EYS: variants seen among roughly 807,000 people sequenced by gnomAD.
EYS encodes the protein EGF-like photoreceptor maintenance factor.
A neutral mutation model predicts 282.1 loss-of-function variants in EYS; 250 were observed. That is an observed-to-expected ratio of 0.89 (90% CI 0.80 to 0.98). The LOEUF is 0.98. EYS is among the 50% of genes least tolerant of loss of function. The probability of loss-of-function intolerance (pLI) is 0.00; values close to 1 mark genes in which losing one functional copy is unlikely to be tolerated. For synonymous variants in EYS, 1,355 were observed against 1,282.9 expected (o/e 1.06, Z -1.20); for missense variants, 4,016 against 3,709.0 (o/e 1.08, Z -2.15).
intron 31 of EYS, among the ~76,000 whole-genome samples, chr6:64,215,638 C>G (rs940106079): frequency 6.6e-6 from 1 of 151,906 alleles, no homozygotes; most frequent in African/African-American, 2.4e-5. Context: ...TGATTACTTA[C>G]CTATTTACAA....
At chr6:65,625,569 C>T (rs1766660767) in intron 2 of EYS, among the ~76,000 whole-genome samples, 1 of 152,094 alleles carries the variant, frequency 6.6e-6, no homozygotes, top group Non-Finnish European at 1.5e-5. Flanking sequence ...CAATATAATA[C>T]CGCATATTTT....
At chr6:65,537,316 T>C (rs1767996930) in intron 2 of EYS, among the ~76,000 whole-genome samples, 2 of 152,166 alleles carry the variant, frequency 1.3e-5, no homozygotes, top group Admixed American at 1.3e-4. Context: ...CTCCAAGTTC[T>C]GCACATGTAT....
At chr6:64,786,320 C>T (rs896212283) in intron 22 of EYS, among the ~76,000 whole-genome samples, 58 of 151,726 alleles carry the variant, frequency 3.8e-4, no homozygotes, top group Non-Finnish European at 7.4e-5. Flanking sequence ...AGAGACAGAA[C>T]CCCAAGTGTG....
At chr6:65,657,285 T>C (rs188856881) in intron 1 of EYS, among the ~76,000 whole-genome samples, 1 of 151,874 alleles carries the variant, frequency 6.6e-6, no homozygotes, top group African/African-American at 2.4e-5. Flanking sequence ...TTTCAAATTT[T>C]ATTGTTTAAG....
intron 13 of EYS, among the ~76,000 whole-genome samples, chr6:65,050,343 G>A (rs531222212): frequency 1.7e-4 from 26 of 151,624 alleles, no homozygotes; most frequent in Admixed American, 4.6e-4. Context: ...CATATTTACT[G>A]TTTAATTGCT....
chr6:64,879,201 T>A lies in EYS; in HGVS notation c.2992+7496A>T, dbSNP rs570949017. Among the ~76,000 whole-genome samples, 3 of 152,254 alleles carry A rather than the reference T, an allele frequency of 2.0e-5. No individual in the cohort carries two copies. In the East Asian group the frequency reaches 5.8e-4, roughly 29 times the overall value. ...CTCACCTCTATCTCCACCTATCATT[T>A]CCTATGAAGGGGAAAAGACCCACCA... On this transcript the variant is annotated intron_variant, in intron 19 of 42. Coordinates refer to ENST00000503581, the MANE Select transcript of EYS (RefSeq NM_001142800.2).
chr6:64,907,875 T>C (rs1202792384), intron 16 of EYS, among the ~76,000 whole-genome samples: 2 of 151,830 alleles, frequency 1.3e-5, no homozygotes, highest in East Asian at 1.9e-4. Flanking sequence ...TTCTCACAAG[T>C]AGTTTATTTG....
intron 7 of EYS, among the ~76,000 whole-genome samples, chr6:65,391,476 AG>A (rs2150356578): frequency 6.6e-6 from 1 of 152,280 alleles, no homozygotes; most frequent in East Asian, 1.9e-4. Context: ...GCAAAGTCTC[AG>A]GATGCAAAAT....
chr6:65,036,623 A>G (rs1257448688), intron 13 of EYS, among the ~76,000 whole-genome samples: 1 of 151,844 alleles, frequency 6.6e-6, no homozygotes, highest in Non-Finnish European at 1.5e-5. Context: ...TAAGCCAAAA[A>G]AAAAACAAAA....
At chr6:64,445,903 T>A (rs776876202) in intron 26 of EYS, among the ~76,000 whole-genome samples, 1 of 152,228 alleles carries the variant, frequency 6.6e-6, no homozygotes, top group East Asian at 1.9e-4. Context: ...TGGGCAAAAC[T>A]GGTATTCTGT....
chr6:65,105,826 C>T (rs891528288), intron 12 of EYS, among the ~76,000 whole-genome samples: 19 of 151,976 alleles, frequency 1.3e-4, no homozygotes, highest in African/African-American at 3.6e-4. Flanking sequence ...AATTTACATG[C>T]TATTGCTAGA....
At chr6:64,500,546 GC>G (rs1269426494) in intron 26 of EYS, among the ~76,000 whole-genome samples, 1 of 151,974 alleles carries the variant, frequency 6.6e-6, no homozygotes, top group African/African-American at 2.4e-5. Context: ...TGTAGGTATG[GC>G]AAAATTTTTT....
chr6:65,466,734 G>A (rs1008399725), intron 5 of EYS, among the ~76,000 whole-genome samples: 1 of 152,122 alleles, frequency 6.6e-6, no homozygotes, highest in African/African-American at 2.4e-5. Flanking sequence ...GAGAAGGGAC[G>A]TCTCTCTAAC....
chr6:64,186,427 G>A (rs1764948866), intron 31 of EYS, among the ~76,000 whole-genome samples: 1 of 152,104 alleles, frequency 6.6e-6, no homozygotes, highest in African/African-American at 2.4e-5. Context: ...AAATTTTAAT[G>A]AATTTATTAT....
At chr6:64,957,233 A>G (rs969337921) in intron 14 of EYS, among the ~76,000 whole-genome samples, 4 of 152,332 alleles carry the variant, frequency 2.6e-5, no homozygotes, top group African/African-American at 4.8e-5. Context: ...ATGGCGTACT[A>G]TTGAGCCATT....
At chr6:64,675,423 T>TTTTTC (rs1324852990) in intron 22 of EYS, among the ~76,000 whole-genome samples, 2 of 91,584 alleles carry the variant, frequency 2.2e-5, no homozygotes, top group African/African-American at 8.8e-5. Flanking sequence ...TTTCTCTTTT[T>TTTTTC]TTTTCTTTTT....
chr6:64,672,392 T>C (rs1291287316), intron 22 of EYS, among the ~76,000 whole-genome samples: 2 of 152,186 alleles, frequency 1.3e-5, no homozygotes, highest in African/African-American at 4.8e-5. Flanking sequence ...TATATCTTGA[T>C]GACTTTGAAA....
intron 26 of EYS, among the ~76,000 whole-genome samples, chr6:64,518,121 T>C (rs1777618878): frequency 6.6e-6 from 1 of 151,902 alleles, no homozygotes; most frequent in African/African-American, 2.4e-5. Flanking sequence ...GTTTAACAGC[T>C]TAAAAACATT....
chr6:65,695,028 A>T (rs897207197), intron 1 of EYS, among the ~76,000 whole-genome samples: 3 of 152,096 alleles, frequency 2.0e-5, no homozygotes, highest in Non-Finnish European at 4.4e-5. Context: ...GGAAGAGTTG[A>T]AAGAGAGCAA....
Sources: allele counts gnomAD v4.1 joint callset (sites outside exome capture counted in the v4.1 genomes callset), GRCh38; gene constraint gnomAD v4.1.1; transcripts MANE v1.5; gene names NCBI Gene and HGNC (gene_info 2026-07-23, HGNC 2026-07-21).